Variants in MARK1 observed in about 807,000 individuals in gnomAD.
The protein encoded by MARK1 is serine/threonine-protein kinase MARK1.
Under a neutral mutation model 96.3 loss-of-function variants are expected in MARK1, and 40 were observed. The ratio of observed to expected loss-of-function variants is 0.42; its 90% CI spans 0.32 to 0.54. The LOEUF (loss-of-function observed/expected upper bound fraction) is 0.54. Ranked by LOEUF, MARK1 falls within the 20% of genes least tolerant of loss-of-function variation. The probability of loss-of-function intolerance (pLI) is 0.16; values close to 1 mark genes in which losing one functional copy is unlikely to be tolerated. For synonymous variants in MARK1, 317 were observed against 341.2 expected (o/e 0.93, Z 0.78); for missense variants, 719 against 984.6 (o/e 0.73, Z 3.61).
intron 1 of MARK1, among the ~76,000 whole-genome samples, chr1:220,559,887 T>C (rs1226953660): frequency 2.0e-4 from 3 of 15,128 alleles, no homozygotes; most frequent in African/African-American, 1.5e-4. Context: ...AAAGTGAGTG[T>C]ACAGTAGAAC....
chr1:220,614,264 A>C (rs570457375), intron 6 of MARK1, among the ~76,000 whole-genome samples: 3 of 152,046 alleles, frequency 2.0e-5, no homozygotes, highest in East Asian at 3.9e-4. Flanking sequence ...CTCCCACTTC[A>C]GCTTCCCAAA....
chr1:220,548,077 G>A (rs929878114), intron 1 of MARK1, among the ~76,000 whole-genome samples: 10 of 152,358 alleles, frequency 6.6e-5, no homozygotes, highest in Admixed American at 5.2e-4. Context: ...GCACATAGCA[G>A]CAACTCATTG....
chr1:220,636,024 A>G lies in MARK1; in HGVS notation c.1468A>G (p.Ser490Gly), dbSNP rs1667942580. 1.9e-6 allele frequency: 3 copies of G among 1,606,386 alleles called. No individual in the cohort carries two copies. Among genetic ancestry groups the G allele is most frequent in the Non-Finnish European group, 2.6e-6 (3 of 1,176,194 alleles). The part of the protein sequence containing the change: ...PERKKSSTIP[S>G]NNVYSGGSMA... ...GAGGAAAAAATCTTCAACTATTCCA[A>G]GTGTGAGTAAATACTCTGGTATATT... is the stretch of plus-strand genomic sequence containing the variant. The change falls in exon 13 of 18, where the codon AGT (serine) becomes GGT (glycine). Residue 490 changes from serine to glycine, a missense_variant and splice_region_variant. Physicochemically the swap from Ser to Gly is moderately conservative, Grantham distance 56. This residue lies in a region of MARK1 where 501 missense variants were observed against 588.3 expected (regional missense o/e 0.85). Transcript: ENST00000366917.
In MARK1 at chr1:220,528,609, C is replaced by A; in HGVS notation, c.-214C>A. On this transcript the variant is annotated 5_prime_UTR_variant, in exon 1 of 18. Coordinates refer to ENST00000366917, the MANE Select transcript of MARK1 (RefSeq NM_018650.5). ...CCTCGTTACTGTCCGCATACCCCGG[C>A]GGCGCCGCCGCGGGAAGCGGCTCCC... is the stretch of plus-strand genomic sequence containing the variant. The A allele has an allele frequency of 2.0e-6, 1 of 492,962 alleles. No individual in the cohort carries two copies. The allele number at this position is 492,962 out of a possible 1,614,324, so 30.5% of individuals were successfully genotyped here. A position where few individuals can be genotyped will look rare whatever the true frequency, so the allele number is the denominator to read the frequency against.
chr1:220,661,581 A>G (rs1435306326), intron 17 of MARK1, among the ~76,000 whole-genome samples: 2 of 152,196 alleles, frequency 1.3e-5, no homozygotes, highest in African/African-American at 4.8e-5. Flanking sequence ...TATATTTAAG[A>G]AAAATGCTAT....
chr1:220,653,918 C>T (rs906176608), intron 16 of MARK1, among the ~76,000 whole-genome samples: 2 of 152,182 alleles, frequency 1.3e-5, no homozygotes, highest in African/African-American at 4.8e-5. Context: ...AGCATACTTA[C>T]TATGCTTACT....
At chr1:220,546,343 G>A (rs1006536456) in intron 1 of MARK1, among the ~76,000 whole-genome samples, 1 of 152,128 alleles carries the variant, frequency 6.6e-6, no homozygotes, top group African/African-American at 2.4e-5. Flanking sequence ...TATGTATTGC[G>A]AGTATGGTTA....
intron 1 of MARK1, among the ~76,000 whole-genome samples, chr1:220,531,714 A>T (rs569568739): frequency 6.6e-6 from 1 of 152,252 alleles, no homozygotes; most frequent in African/African-American, 2.4e-5. Flanking sequence ...ATTTTCTTTG[A>T]TGAAAGATTT....
At chr1:220,546,792 G>A (rs534318493) in intron 1 of MARK1, among the ~76,000 whole-genome samples, 14 of 152,114 alleles carry the variant, frequency 9.2e-5, no homozygotes, top group Admixed American at 6.5e-4. Context: ...GGGCAACAAC[G>A]GTGAAACCCT....
In MARK1 at chr1:220,618,566, T is replaced by C. The variant is rs781663486; in HGVS notation, c.789+20T>C. 5.0e-6 allele frequency: 8 copies of C among 1,613,178 alleles called. No individual in the cohort carries two copies. The South Asian group carries it at 8.8e-5, about 18-fold the overall frequency. On this transcript the variant is annotated intron_variant, in intron 8 of 17. Coordinates refer to ENST00000366917, the MANE Select transcript of MARK1 (RefSeq NM_018650.5). This position sits in a 1 kb window ranked among gnomAD's most constrained non-coding sequence, Gnocchi z 4.6. ...TTAAAGGTATCAGCTAAATTCTTTATTAATGTTTTATCCCCAAGTATGATT... is the reference window on the plus strand; with the variant it reads ...TTAAAGGTATCAGCTAAATTCTTTACTAATGTTTTATCCCCAAGTATGATT...
chr1:220,583,710 G>A (rs1370810297), intron 3 of MARK1, among the ~76,000 whole-genome samples: 5 of 150,472 alleles, frequency 3.3e-5, no homozygotes, highest in Non-Finnish European at 5.9e-5. Flanking sequence ...GTGCAGTGGC[G>A]CGATCTGAGC....
chr1:220,620,214 G>A (rs922823899), intron 9 of MARK1, among the ~76,000 whole-genome samples: 1 of 151,878 alleles, frequency 6.6e-6, no homozygotes, highest in Non-Finnish European at 1.5e-5. Flanking sequence ...TCCTTATGGG[G>A]TTAAAAAAAA....
intron 6 of MARK1, among the ~76,000 whole-genome samples, chr1:220,611,889 C>T (rs551266100): frequency 3.7e-4 from 57 of 152,084 alleles, no homozygotes; most frequent in Admixed American, 2.9e-3. Context: ...CACACCACCA[C>T]GCCCAGCTAA....
intron 1 of MARK1, among the ~76,000 whole-genome samples, chr1:220,538,372 A>G (rs1421021139): frequency 1.3e-5 from 2 of 150,416 alleles, no homozygotes; most frequent in Non-Finnish European, 3.0e-5. Flanking sequence ...AGGTTTGTCA[A>G]AGATCAGATA....
At chr1:220,574,563 G>A (rs966952816) in intron 1 of MARK1, among the ~76,000 whole-genome samples, 1 of 152,094 alleles carries the variant, frequency 6.6e-6, no homozygotes, top group Non-Finnish European at 1.5e-5. Context: ...CCCCCAGCTC[G>A]AAACTGTAAC....
chr1:220,588,717 A>G (rs1664806313), intron 3 of MARK1, among the ~76,000 whole-genome samples: 1 of 152,168 alleles, frequency 6.6e-6, no homozygotes, highest in Non-Finnish European at 1.5e-5. Context: ...GGATTCTGTT[A>G]ACATAGATAA....
intron 1 of MARK1, among the ~76,000 whole-genome samples, chr1:220,554,457 ACTT>A (rs1035772549): frequency 6.6e-6 from 1 of 152,182 alleles, no homozygotes; most frequent in African/African-American, 2.4e-5. Context: ...ATGCTGTTAC[ACTT>A]CTTATAATGT....
intron 3 of MARK1, among the ~76,000 whole-genome samples, chr1:220,596,375 C>G (rs1399620576): frequency 2.0e-5 from 3 of 152,096 alleles, no homozygotes; most frequent in African/African-American, 4.8e-5. Context: ...CCCGTATGCT[C>G]TTTGTCCCAA....
intron 6 of MARK1, 125 bp from the exon 7 acceptor site, chr1:220,615,814 C>T: frequency 1.7e-6 from 1 of 576,236 alleles, no homozygotes; most frequent in East Asian, 3.2e-5. Flanking sequence ...GAACTAAAAG[C>T]ATTGCATATT....
Sources: allele counts gnomAD v4.1 joint callset (sites outside exome capture counted in the v4.1 genomes callset), GRCh38; gene constraint gnomAD v4.1.1; regional missense constraint gnomAD v4.1.1; non-coding constraint Gnocchi (gnomAD v3.1); transcripts MANE v1.5; gene names NCBI Gene and HGNC (gene_info 2026-07-23, HGNC 2026-07-21).